CHMP4B: variants seen among roughly 807,000 people sequenced by gnomAD.
CHMP4B encodes the protein charged multivesicular body protein 4B, also known as SNF7 homolog associated with Alix 1.
A neutral mutation model predicts 25.1 loss-of-function variants in CHMP4B; 1 was observed. That is an observed-to-expected ratio of 0.04 (90% CI 0.01 to 0.19). The LOEUF (loss-of-function observed/expected upper bound fraction) is 0.19, where lower values mean the gene tolerates loss of function less well. Among genes scored for constraint, CHMP4B ranks in the 10% least tolerant of loss-of-function variants. The pLI is 1.00. For missense variants in CHMP4B, 151 were observed against 289.7 expected (o/e 0.52, Z 3.48); for synonymous variants, 101 against 115.6 (o/e 0.87, Z 0.81).
chr20:33,832,907 T>A (rs774884544), intron 1 of CHMP4B, among the ~76,000 whole-genome samples: 1 of 151,296 alleles, frequency 6.6e-6, no homozygotes, highest in Non-Finnish European at 1.5e-5. Context: ...GCCTCCCAAA[T>A]AGCTATGACT....
At chr20:33,821,359 C>T (rs1978935252) in intron 1 of CHMP4B, among the ~76,000 whole-genome samples, 1 of 147,508 alleles carries the variant, frequency 6.8e-6, no homozygotes, top group African/African-American at 2.5e-5. Context: ...TGTACTCCAG[C>T]CTGGGTGACA....
intron 3 of CHMP4B, 43 bp from the exon 4 acceptor site, chr20:33,852,034 G>T (rs566848550): frequency 6.2e-7 from 1 of 1,612,542 alleles, no homozygotes; most frequent in East Asian, 2.2e-5. Flanking sequence ...GCGGGGGCTG[G>T]GATTCCCAGG....
At chr20:33,827,028 A>G (rs1979113474) in intron 1 of CHMP4B, among the ~76,000 whole-genome samples, 1 of 152,206 alleles carries the variant, frequency 6.6e-6, no homozygotes, top group African/African-American at 2.4e-5. Flanking sequence ...TTTCAAGTTC[A>G]GCCCAGACTT....
chr20:33,840,256 AAGGG>A lies in CHMP4B; in HGVS notation c.191-8210_191-8207del, dbSNP rs571165199. On this transcript the variant is annotated intron_variant, in intron 1 of 4. Coordinates refer to ENST00000217402, the MANE Select transcript of CHMP4B (RefSeq NM_176812.5). ...GTAAGACTCCATCTCAAAAAAAAAA[AAGGG>A]GGGGGACAGGACAGGGACAAGAAGA... is the stretch of plus-strand genomic sequence containing the variant. Among the ~76,000 whole-genome samples the A allele has an allele frequency of 1.1e-3, 169 of 151,640 alleles. 2 individuals carry two copies. Among genetic ancestry groups the A allele is most frequent in the African/African-American group, 3.7e-3 (153 of 41,368 alleles).
intron 1 of CHMP4B, among the ~76,000 whole-genome samples, chr20:33,827,408 A>T (rs1204844912): frequency 3.3e-5 from 5 of 152,242 alleles, no homozygotes; most frequent in Admixed American, 2.0e-4. Context: ...GCATAAAAAG[A>T]TGGAGTAGCT....
intron 1 of CHMP4B, among the ~76,000 whole-genome samples, chr20:33,831,045 A>T (rs1979233854): frequency 6.8e-6 from 1 of 147,230 alleles, no homozygotes; most frequent in South Asian, 2.2e-4. Context: ...AGCTCAAGGG[A>T]TCCTCCCACC....
At chr20:33,813,021 C>A (rs185085097) in intron 1 of CHMP4B, among the ~76,000 whole-genome samples, 166 of 151,466 alleles carry the variant, frequency 1.1e-3, no homozygotes, top group African/African-American at 3.9e-3. Flanking sequence ...ACTAAACACA[C>A]AAAAAGATGG....
At chr20:33,814,884 C>T (rs916616444) in intron 1 of CHMP4B, among the ~76,000 whole-genome samples, 4 of 152,152 alleles carry the variant, frequency 2.6e-5, no homozygotes, top group African/African-American at 7.2e-5. Context: ...CTCCTGGCCT[C>T]GAGCGATTCT....
In CHMP4B at chr20:33,850,992, G is replaced by C. The variant is rs1979830978; in HGVS notation, c.409G>C (p.Asp137His). The C allele has an allele frequency of 6.2e-7, 1 of 1,614,070 alleles. No individual in the cohort carries two copies. Among genetic ancestry groups the C allele is most frequent in the Non-Finnish European group, 8.5e-7 (1 of 1,179,910 alleles). Residue 137 changes from aspartate (D) to histidine (H), a missense_variant, in exon 3 of 5, where the codon GAC becomes CAC. Around this residue, in one of 3 missense-constraint regions of CHMP4B, gnomAD observed 82 missense variants for 208.3 expected, o/e 0.39. Transcript: ENST00000217402. ...KVDELMQDIA[D>H]QQELAEEIST... ...TGATGAGTTAATGCAGGACATTGCT[G>C]ACCAGCAAGAACTTGCAGAGGAGAT... is the stretch of plus-strand genomic sequence containing the variant.
chr20:33,837,954 A>G (rs1601324602), intron 1 of CHMP4B, among the ~76,000 whole-genome samples: 2 of 152,186 alleles, frequency 1.3e-5, no homozygotes, highest in Admixed American at 6.5e-5. Flanking sequence ...TAGAGAGAGC[A>G]CCTAATCCGC....
At chr20:33,822,976 G>C (rs1031415580) in intron 1 of CHMP4B, among the ~76,000 whole-genome samples, 1 of 151,770 alleles carries the variant, frequency 6.6e-6, no homozygotes, top group Non-Finnish European at 1.5e-5. Context: ...TTTTAGTAGA[G>C]ATGGGGTTTC....
intron 1 of CHMP4B, among the ~76,000 whole-genome samples, chr20:33,841,732 C>T (rs1979548101): frequency 6.6e-6 from 1 of 152,126 alleles, no homozygotes; most frequent in African/African-American, 2.4e-5. Context: ...TCTTTTTTCC[C>T]CCCCTTCTAT....
chr20:33,833,869 A>G (rs6119408), intron 1 of CHMP4B, among the ~76,000 whole-genome samples: 2,971 of 152,236 alleles, frequency 0.02, 104 homozygotes, highest in African/African-American at 0.068. Flanking sequence ...TGGCCTGTGA[A>G]TTCCTTCAGC....
intron 1 of CHMP4B, among the ~76,000 whole-genome samples, chr20:33,830,449 C>T (rs1368997810): frequency 2.0e-5 from 3 of 152,182 alleles, no homozygotes; most frequent in Non-Finnish European, 4.4e-5. Flanking sequence ...TTTATTTTCT[C>T]AGTTCTGGAG....
intron 2 of CHMP4B, among the ~76,000 whole-genome samples, chr20:33,849,289 C>A (rs1280446513): frequency 6.6e-6 from 1 of 152,180 alleles, no homozygotes; most frequent in Non-Finnish European, 1.5e-5. Flanking sequence ...CAAATGAAGG[C>A]CTCTCTCTTG....
chr20:33,818,192 G>C lies in CHMP4B; in HGVS notation c.190+6534G>C, dbSNP rs143564517. Among the ~76,000 whole-genome samples the C allele has an allele frequency of 5.3e-5, 8 of 152,320 alleles. No homozygotes were observed. In the East Asian group the frequency reaches 1.2e-3, roughly 22 times the overall value. The stretch of plus-strand genomic sequence containing the variant: ...CAGGGATAGTCTTAGGGACAGTAAG[G>C]CTATAAAGATGGATGAGACACTGCC... On this transcript the variant is annotated intron_variant, in intron 1 of 4. Coordinates refer to ENST00000217402, the MANE Select transcript of CHMP4B (RefSeq NM_176812.5).
intron 1 of CHMP4B, among the ~76,000 whole-genome samples, chr20:33,814,966 G>A (rs1167712047): frequency 6.6e-6 from 1 of 152,194 alleles, no homozygotes; most frequent in Non-Finnish European, 1.5e-5. Flanking sequence ...TTAAAGCAGA[G>A]AGTCATCATA....
At chr20:33,843,425 T>C (rs188460416) in intron 1 of CHMP4B, among the ~76,000 whole-genome samples, 597 of 152,328 alleles carry the variant, frequency 3.9e-3, no homozygotes, top group Middle Eastern at 6.8e-3. Flanking sequence ...ATTGTGTTTA[T>C]AAATGGTGCT....
At chr20:33,851,131 G>T (rs1297300392) in intron 3 of CHMP4B, 65 bp downstream of exon 3, 1 of 981,784 alleles carries the variant, frequency 1.0e-6, no homozygotes, top group Non-Finnish European at 1.7e-6. Context: ...CCCTTGATGT[G>T]CTCTTGAAGG....
Sources: gnomAD v4.1 joint callset for allele counts (sites outside exome capture counted in the v4.1 genomes callset) on GRCh38, gnomAD v4.1.1 for gene constraint, gnomAD v4.1.1 regional missense constraint, MANE v1.5 for transcripts, NCBI Gene and HGNC (gene_info 2026-07-23, HGNC 2026-07-21) for gene names.